PNPLA1: variants seen among roughly 807,000 people sequenced by gnomAD.
The protein encoded by PNPLA1 is patatin like domain 1, omega-hydroxyceramide transacylase.
PNPLA1 carries 36 observed loss-of-function variants against 51.7 expected under a neutral mutation model. That is an observed-to-expected ratio of 0.70 (90% confidence interval 0.53 to 0.92). PNPLA1 has a LOEUF of 0.92. Among genes scored for constraint, PNPLA1 ranks in the 40% least tolerant of loss-of-function variants. The pLI is 0.00. For missense variants in PNPLA1, 658 were observed against 682.5 expected (o/e 0.96, Z 0.40); for synonymous variants, 293 against 280.1 (o/e 1.05, Z -0.46).
intron 1 of PNPLA1, among the ~76,000 whole-genome samples, chr6:36,283,413 CCA>C (rs1770380089): frequency 6.6e-6 from 1 of 152,194 alleles, no homozygotes; most frequent in Non-Finnish European, 1.5e-5. Context: ...AAATAAACCT[CCA>C]GACTTTTTTT....
rs113331454 is a variant in PNPLA1 at position 36,300,890 on chromosome 6, C to G, written c.776-971C>G. Among the ~76,000 whole-genome samples the G allele has an allele frequency of 6.6e-4, 101 of 152,256 alleles. 1 individual carries two copies. Among genetic ancestry groups the G allele is most frequent in the African/African-American group, 2.4e-3 (100 of 41,534 alleles). Reference sequence around the variant, plus strand: ...TCTGCAGGGGAGCTTTCTCTCTTCTCCCTGATTTACTTACCTACGTAATAT... The same window carrying G: ...TCTGCAGGGGAGCTTTCTCTCTTCTGCCTGATTTACTTACCTACGTAATAT... On this transcript the variant is annotated intron_variant, in intron 5 of 8. Coordinates refer to ENST00000636260, the MANE Select transcript of PNPLA1 (RefSeq NM_001374623.1).
intron 1 of PNPLA1, among the ~76,000 whole-genome samples, chr6:36,281,140 A>G (rs1163731478): frequency 6.6e-6 from 1 of 152,104 alleles, no homozygotes; most frequent in Non-Finnish European, 1.5e-5. Flanking sequence ...AGCCCACCAT[A>G]CTACTGGAGC....
At chr6:36,295,013 C>T (rs1770814155) in intron 4 of PNPLA1, among the ~76,000 whole-genome samples, 1 of 152,152 alleles carries the variant, frequency 6.6e-6, no homozygotes, top group Non-Finnish European at 1.5e-5. Context: ...AGCAACACAG[C>T]CAATAAGGGG....
chr6:36,276,754 G>GTTCC (rs35701454), intron 1 of PNPLA1, among the ~76,000 whole-genome samples: 8,632 of 149,862 alleles, frequency 0.058, 300 homozygotes, highest in Non-Finnish European at 0.081. Context: ...TCGTTCGTTC[G>GTTCC]TTCCTTCCTT....
chr6:36,304,483 C>T (rs766824524), intron 6 of PNPLA1, among the ~76,000 whole-genome samples: 1 of 151,782 alleles, frequency 6.6e-6, no homozygotes, highest in Non-Finnish European at 1.5e-5. Flanking sequence ...AAAAATTAGC[C>T]GGGCATGGTG....
Position 36,294,129 on chromosome 6 carries a change from T to C in PNPLA1, c.505-61T>C. The C allele has an allele frequency of 2.5e-6, 4 of 1,586,058 alleles. No individual in the cohort carries two copies. The South Asian group carries it at 4.5e-5, about 18-fold the overall frequency. ...CCATATCCCATGGGCCATTTCGATG[T>C]ACCCCGAGTGGGGCTGAGAACTCTG... On this transcript the variant is annotated intron_variant, in intron 3 of 8. Coordinates refer to ENST00000636260, the MANE Select transcript of PNPLA1 (RefSeq NM_001374623.1). This position sits in a 1 kb window ranked among gnomAD's most constrained non-coding sequence, Gnocchi z 4.2.
In PNPLA1 at chr6:36,295,310, T is replaced by C. The variant is rs370176620; in HGVS notation, c.715-54T>C. ...TAGCTGCCCTGGGTCGGGGGAACTG[T>C]GGCTCCCTTCCTCCCCGCAGCCTTG... is the stretch of plus-strand genomic sequence containing the variant. On this transcript the variant is annotated intron_variant, in intron 4 of 8. Transcript: ENST00000636260. The C allele has an allele frequency of 8.2e-6, 13 of 1,588,756 alleles. No homozygotes were observed. In the African/African-American group the frequency reaches 1.2e-4, roughly 15 times the overall value.
At position 36,256,443 on chromosome 6, in the gene PNPLA1, A is replaced by G. The variant is rs184948678; in HGVS notation, c.-81+13182A>G. Reference sequence around the variant, plus strand: ...TGCTCTAAGAAATTATCCCCCATATATATATATTTATTTATTTATTTTCGA... The same window carrying G: ...TGCTCTAAGAAATTATCCCCCATATGTATATATTTATTTATTTATTTTCGA... On this transcript the variant is annotated intron_variant, in intron 1 of 7. Coordinates refer to the PNPLA1 transcript ENST00000312917. Among the ~76,000 whole-genome samples the G allele has an allele frequency of 5.3e-5, 8 of 151,910 alleles. No individual in the cohort carries two copies. The East Asian group carries it at 1.5e-3, about 29-fold the overall frequency.
Position 36,301,901 on chromosome 6 carries a change from C to T in PNPLA1, c.816C>T (p.Phe272=), listed in dbSNP as rs1200873263. The change falls in exon 6 of 9, where the codon TTC becomes TTT. Residue 272 remains phenylalanine, a synonymous_variant. Transcript: ENST00000636260. ...YLNSSSKRVI[F]PRVEVYCQIE... Reference sequence around the variant, plus strand: ...ATTCTTCCTCCAAGAGAGTGATTTTCCCCCGGGTGGAAGTGTACTGCCAGA... The same window carrying T: ...ATTCTTCCTCCAAGAGAGTGATTTTTCCCCGGGTGGAAGTGTACTGCCAGA... 1.2e-6 allele frequency: 2 copies of T among 1,614,104 alleles called. No individual in the cohort carries two copies. Among genetic ancestry groups the T allele is most frequent in the Non-Finnish European group, 8.5e-7 (1 of 1,179,978 alleles).
chr6:36,292,918 G>C (rs1217402221), intron 2 of PNPLA1, 143 bp from the exon 3 acceptor site: 1 of 625,220 alleles, frequency 1.6e-6, no homozygotes, highest in African/African-American at 1.9e-5. Context: ...AACTGAACTC[G>C]GAGCTTTGCT....
At chr6:36,307,949 A>G (rs942399929) in intron 8 of PNPLA1, 4 of 400,468 alleles carry the variant, frequency 1.0e-5, no homozygotes, top group African/African-American at 8.1e-5. Context: ...TGGGGATGAT[A>G]CCACTTCATA....
chr6:36,299,284 G>T (rs140841473), intron 5 of PNPLA1, among the ~76,000 whole-genome samples: 1 of 151,780 alleles, frequency 6.6e-6, no homozygotes, highest in African/African-American at 2.4e-5. Flanking sequence ...AGCAGTGGAT[G>T]AGCGTTCCCA....
At chr6:36,287,214 T>C (rs1770520972) in intron 1 of PNPLA1, among the ~76,000 whole-genome samples, 1 of 152,210 alleles carries the variant, frequency 6.6e-6, no homozygotes, top group Non-Finnish European at 1.5e-5. Flanking sequence ...AGAGCCTTGG[T>C]GGGCATAGAA....
chr6:36,277,669 G>A (rs1770148408), intron 1 of PNPLA1, among the ~76,000 whole-genome samples: 1 of 152,208 alleles, frequency 6.6e-6, no homozygotes, highest in Non-Finnish European at 1.5e-5. Context: ...TTTGAGGCCA[G>A]ACTGGGCAAC....
intron 1 of PNPLA1, among the ~76,000 whole-genome samples, chr6:36,246,726 C>G (rs768533562): frequency 2.0e-5 from 3 of 152,148 alleles, no homozygotes; most frequent in Non-Finnish European, 4.4e-5. Flanking sequence ...CCTTTTGCCA[C>G]GGCTTTGAGC....
At chr6:36,257,067 A>G (rs575902888) in intron 1 of PNPLA1, among the ~76,000 whole-genome samples, 2 of 152,198 alleles carry the variant, frequency 1.3e-5, no homozygotes, top group East Asian at 1.9e-4. Context: ...CCTTTTTGCA[A>G]TATGCATCAG....
intron 1 of PNPLA1, among the ~76,000 whole-genome samples, chr6:36,260,882 G>T (rs1283511041): frequency 6.6e-6 from 1 of 152,140 alleles, no homozygotes; most frequent in Non-Finnish European, 1.5e-5. Flanking sequence ...TGCATGCAGT[G>T]GTGCCATCAC....
chr6:36,290,621 G>A (rs887182192), intron 1 of PNPLA1, among the ~76,000 whole-genome samples: 1 of 152,198 alleles, frequency 6.6e-6, no homozygotes, highest in Admixed American at 6.5e-5. Context: ...GGGGACTTGG[G>A]GTGGGGAAGA....
chr6:36,282,100 G>A (rs776398271), intron 1 of PNPLA1, among the ~76,000 whole-genome samples: 5,104 of 37,244 alleles, frequency 0.14, 140 homozygotes, highest in African/African-American at 0.21. Flanking sequence ...AAGGAAGGAA[G>A]GAAGGAAGGA....
Sources: gnomAD v4.1 joint callset for allele counts (sites outside exome capture counted in the v4.1 genomes callset) on GRCh38, gnomAD v4.1.1 for gene constraint, Gnocchi (gnomAD v3.1) non-coding constraint, MANE v1.5 for transcripts, NCBI Gene and HGNC (gene_info 2026-07-23, HGNC 2026-07-21) for gene names.